Variants in HTT observed in about 807,000 individuals in gnomAD.
HTT encodes huntington disease protein.
Under a neutral mutation model 362.3 loss-of-function variants are expected in HTT, and 104 were observed. That is an observed-to-expected ratio of 0.29 (90% CI 0.24 to 0.34). The LOEUF is 0.34. Ranked by LOEUF, HTT falls within the 10% of genes least tolerant of loss-of-function variation. The pLI is 1.00. For synonymous variants in HTT, 1,577 were observed against 1,548.7 expected, an observed-to-expected ratio of 1.02 and a Z score of -0.43; for missense variants, 3,301 against 3,928.6, an observed-to-expected ratio of 0.84 and a Z score of 4.27.
At chr4:3,096,968 A>T (rs1713888570) in intron 2 of HTT, among the ~76,000 whole-genome samples, 1 of 152,042 alleles carries the variant, frequency 6.6e-6, no homozygotes, top group African/African-American at 2.4e-5. Context: ...AAAACAAAAA[A>T]ATTAGCCAGG....
intron 17 of HTT, 44 bp downstream of exon 17, chr4:3,132,764 C>T: frequency 1.4e-5 from 22 of 1,613,230 alleles, no homozygotes; most frequent in Non-Finnish European, 1.9e-5. Context: ...GTTATGCTTA[C>T]TAAGGTTTAA....
chr4:3,225,903 A>G (rs1720889376), intron 57 of HTT, among the ~76,000 whole-genome samples, 160 bp downstream of exon 57: 1 of 151,888 alleles, frequency 6.6e-6, no homozygotes, highest in Non-Finnish European at 1.5e-5. Context: ...TATCTGTTTT[A>G]TTCCTAGGTC....
In HTT at chr4:3,190,091, C is replaced by T. The variant is rs140721587; in HGVS notation, c.5368+998C>T. ...AATCACAGTGGCTTATGCCTGTAATCCCAACACTTTGGGAGGTCAAGGTAA... is the reference window on the plus strand; with the variant it reads ...AATCACAGTGGCTTATGCCTGTAATTCCAACACTTTGGGAGGTCAAGGTAA... On this transcript the variant is annotated intron_variant, in intron 40 of 66. Coordinates refer to ENST00000355072, the MANE Select transcript of HTT (RefSeq NM_001388492.1). Among the ~76,000 whole-genome samples, 34 of 152,206 alleles carry T rather than the reference C, an allele frequency of 2.2e-4. 2 individuals carry two copies. In the East Asian group the frequency reaches 4.6e-3, roughly 21 times the overall value.
chr4:3,169,051 C>T (rs546170056), intron 29 of HTT, among the ~76,000 whole-genome samples: 1 of 140,748 alleles, frequency 7.1e-6, no homozygotes, highest in Admixed American at 6.8e-5. Flanking sequence ...CAGTGTCTCG[C>T]TCTGTCGCCT....
chr4:3,240,030 C>G lies in HTT; in HGVS notation c.9400C>G (p.Arg3134Gly), dbSNP rs778248380. 1.3e-6 allele frequency: 2 copies of G among 1,597,370 alleles called. No individual in the cohort carries two copies. The highest frequency in any genetic ancestry group is 1.7e-6 in the Non-Finnish European group (2 of 1,171,390). ...ATATCACCGGCTGCTGACTTGTTTA[C>G]GAAATGTCCACAAGGTCACCACCTG... ...SPYHRLLTCL[R>G]NVHKVTTC The change falls in exon 67 of 67, where the codon CGA becomes GGA. Residue 3134 changes from arginine to glycine, a missense_variant. By Grantham distance (125) the Arg-to-Gly change is moderately radical (BLOSUM62 -2). Around this residue, in one of 4 missense-constraint regions of HTT, gnomAD observed 753 missense variants for 1,021.3 expected, o/e 0.74. Transcript: ENST00000355072.
At chr4:3,112,224 T>G (rs1438996206) in intron 6 of HTT, among the ~76,000 whole-genome samples, 1 of 152,232 alleles carries the variant, frequency 6.6e-6, no homozygotes, top group African/African-American at 2.4e-5. Flanking sequence ...GGTTTATTCT[T>G]ATTCTCAAAA....
At position 3,206,547 on chromosome 4, in the gene HTT, A is replaced by T; in HGVS notation, c.5770A>T (p.Ile1924Phe). The T allele has an allele frequency of 1.9e-6, 3 of 1,614,100 alleles. No individual in the cohort carries two copies. The highest frequency in any genetic ancestry group is 1.1e-5 in the South Asian group (1 of 91,080). Residue 1924 changes from isoleucine to phenylalanine, a missense_variant, in exon 43 of 67, where the codon ATT becomes TTT. Ile to Phe is a conservative substitution (Grantham distance 21). This residue lies in a region of HTT where 2,316 missense variants were observed against 2,658.5 expected (regional missense o/e 0.87). Coordinates refer to ENST00000355072, the MANE Select transcript of HTT (RefSeq NM_001388492.1). The surrounding 1 kb of genome is among the most constrained non-coding windows in gnomAD (Gnocchi z 4.6). ...CTTAACGTGGCTCATTGTAAATCAC[A>T]TTCAAGATCTGATCAGCCTTTCCCA... ...EHLTWLIVNH[I>F]QDLISLSHEP...
At chr4:3,133,945 G>C (rs1214891071) in intron 18 of HTT, among the ~76,000 whole-genome samples, 1 of 152,138 alleles carries the variant, frequency 6.6e-6, no homozygotes. Context: ...GCTTGGGGCT[G>C]CAGGGGAGGG....
In HTT at chr4:3,135,959, T is replaced by G. The variant is rs774387724; in HGVS notation, c.2689T>G (p.Tyr897Asp). Residue 897 changes from tyrosine (Y) to aspartate (D), a missense_variant, in exon 20 of 67, where the codon TAT (tyrosine) becomes GAT (aspartate). Tyr to Asp is a radical substitution (Grantham distance 160, BLOSUM62 -3). Around this residue, in one of 4 missense-constraint regions of HTT, gnomAD observed 2,316 missense variants for 2,658.5 expected, o/e 0.87. Transcript: ENST00000355072. Reference protein sequence around the residue: ...AENLHRGAHHYTGLLKLQERV... With the variant: ...AENLHRGAHHDTGLLKLQERV... The stretch of plus-strand genomic sequence containing the variant: ...AAACTTACACAGAGGGGCTCATCAT[T>G]ATACAGGGGTAAGCGGTTTATTTTT... The G allele has an allele frequency of 6.2e-7, 1 of 1,601,118 alleles. No individual in the cohort carries two copies. The highest frequency in any genetic ancestry group is 1.1e-5 in the South Asian group (1 of 88,204).
chr4:3,104,693 G>C (rs572113872), intron 4 of HTT, among the ~76,000 whole-genome samples: 1 of 152,096 alleles, frequency 6.6e-6, no homozygotes, highest in African/African-American at 2.4e-5. Flanking sequence ...GCAGGTGGAT[G>C]CTTGAGACCA....
intron 1 of HTT, among the ~76,000 whole-genome samples, chr4:3,082,425 C>T (rs916080304): frequency 1.3e-5 from 2 of 152,136 alleles, no homozygotes; most frequent in African/African-American, 4.8e-5. Flanking sequence ...AATAAAATAC[C>T]TTATAAAGCA....
chr4:3,124,626 G>C (rs963065126), intron 10 of HTT, among the ~76,000 whole-genome samples: 10 of 152,184 alleles, frequency 6.6e-5, no homozygotes, highest in African/African-American at 2.4e-4. Context: ...GATGGCTTTT[G>C]TTAAGATCTG....
chr4:3,121,751 A>C (rs1578515492), intron 9 of HTT: 1 of 213,486 alleles, frequency 4.7e-6, no homozygotes, highest in East Asian at 1.3e-4. Context: ...CTGTAGTCCC[A>C]GCTGCTTTGG....
At chr4:3,133,187 A>G (rs1016154824) in intron 18 of HTT, among the ~76,000 whole-genome samples, 1 of 152,150 alleles carries the variant, frequency 6.6e-6, no homozygotes, top group African/African-American at 2.4e-5. Flanking sequence ...CATTAAGTGT[A>G]AAGTCTGTTG....
chr4:3,082,709 A>G (rs1490343292), intron 1 of HTT, among the ~76,000 whole-genome samples: 2 of 152,126 alleles, frequency 1.3e-5, no homozygotes, highest in Admixed American at 6.6e-5. Flanking sequence ...TAACAATGCA[A>G]GCATTTGGGA....
intron 41 of HTT, among the ~76,000 whole-genome samples, chr4:3,203,490 G>A (rs954673438): frequency 1.3e-5 from 2 of 152,228 alleles, no homozygotes; most frequent in African/African-American, 2.4e-5. Context: ...TGAGAAGTCA[G>A]TGTAGAGTGA....
intron 57 of HTT, among the ~76,000 whole-genome samples, chr4:3,226,697 A>G (rs1430637494): frequency 2.6e-5 from 4 of 152,204 alleles, no homozygotes; most frequent in Admixed American, 6.5e-5. Flanking sequence ...GGGTCAGAAT[A>G]TGGTGTTTAG....
At chr4:3,214,538 A>G (rs1389405033) in intron 50 of HTT, among the ~76,000 whole-genome samples, 1 of 152,262 alleles carries the variant, frequency 6.6e-6, no homozygotes, top group East Asian at 1.9e-4. Context: ...GCATTGTAAT[A>G]TTAACGTACT....
chr4:3,100,490 A>G (rs1198771312), intron 3 of HTT, among the ~76,000 whole-genome samples: 1 of 152,104 alleles, frequency 6.6e-6, no homozygotes, highest in Non-Finnish European at 1.5e-5. Flanking sequence ...GAGCCATGGG[A>G]TTCTAGCTCC....
Sources: gnomAD v4.1 joint callset for allele counts (sites outside exome capture counted in the v4.1 genomes callset) on GRCh38, gnomAD v4.1.1 for gene constraint, gnomAD v4.1.1 regional missense constraint, Gnocchi (gnomAD v3.1) non-coding constraint, MANE v1.5 for transcripts, NCBI Gene and HGNC (gene_info 2026-07-23, HGNC 2026-07-21) for gene names.